The following MGAM2 variants were observed in gnomAD, a reference collection of about 807,000 sequenced individuals.
MGAM2 encodes the protein maltase-glucoamylase 2 (putative).
MGAM2 carries 98 observed loss-of-function variants against 96.1 expected under a neutral mutation model. The ratio of observed to expected loss-of-function variants is 1.02; its 90% CI spans 0.87 to 1.21. The LOEUF (loss-of-function observed/expected upper bound fraction) is 1.21, where lower values mean the gene tolerates loss of function less well. Ranked by LOEUF, MGAM2 falls within the 50% of genes most tolerant of loss-of-function variation. MGAM2 has a pLI of 0.00. For synonymous variants in MGAM2, 749 were observed against 414.8 expected (o/e 1.81, Z -9.79); for missense variants, 2,055 against 1,182.4 (o/e 1.74, Z -10.82).
In MGAM2 at chr7:142,166,095, C is replaced by T; in HGVS notation, c.2653-3C>T. 1.5e-6 allele frequency: 1 copy of T among 687,752 alleles called. No individual in the cohort carries two copies. The allele number at this position is 687,752 out of a possible 1,614,324, so 42.6% of individuals were successfully genotyped here. On this transcript the variant is annotated splice_polypyrimidine_tract_variant and splice_region_variant and intron_variant, in intron 24 of 47. Transcript: ENST00000477922. ...TTGTCACTGTGACTGTCTCTTTCCC[C>T]AGGTGGTAACCATCACTGATCTCCA...
chr7:142,172,941 C>A (rs1000820453), intron 30 of MGAM2, among the ~76,000 whole-genome samples, 177 bp downstream of exon 30: 3 of 152,102 alleles, frequency 2.0e-5, no homozygotes, highest in Non-Finnish European at 4.4e-5. Flanking sequence ...ATATTAATAT[C>A]CCATGTGTCC....
At position 142,198,817 on chromosome 7, in the gene MGAM2, C is replaced by T. The variant is rs558145520; in HGVS notation, c.5048+78C>T. ...GCCTTACAGGAGGCTGTCCCACCTT[C>T]GCCAGGGATATGTGGATTATAAACT... On this transcript the variant is annotated intron_variant, in intron 44 of 47. Transcript: ENST00000477922. The T allele has an allele frequency of 4.0e-4, 255 of 638,714 alleles. No individual in the cohort carries two copies. The East Asian group carries it at 6.3e-3, about 16-fold the overall frequency. The allele number at this position is 638,714 out of a possible 1,614,324, so 39.6% of individuals were successfully genotyped here. A position where few individuals can be genotyped will look rare whatever the true frequency, so the allele number is the denominator to read the frequency against.
At position 142,221,057 on chromosome 7, in the gene MGAM2, T is replaced by A. The variant is rs778784801; in HGVS notation, c.6546T>A (p.Ala2182=). ...CTAATAATACTGTTCCAGTTACAGC[T>A]ATTCCTTCTCTTGCAAATACTGGTG... ...TVPNNTVPVT[A]IPSLANTGVD... is the part of the protein sequence containing the mutation. The change falls in exon 48 of 48, where the codon GCT becomes GCA. Residue 2182 remains alanine, a synonymous_variant. Coordinates refer to ENST00000477922, the MANE Select transcript of MGAM2 (RefSeq NM_001293626.2). 1.4e-6 allele frequency: 1 copy of A among 702,552 alleles called. No individual in the cohort carries two copies. Among genetic ancestry groups the A allele is most frequent in the South Asian group, 1.5e-5 (1 of 67,598 alleles). The allele number at this position is 702,552 out of a possible 1,614,324, so 43.5% of individuals were successfully genotyped here.
intron 32 of MGAM2, among the ~76,000 whole-genome samples, chr7:142,179,661 T>C (rs950161629): frequency 1.3e-5 from 2 of 152,208 alleles, no homozygotes; most frequent in African/African-American, 2.4e-5. Flanking sequence ...TCACATTTAT[T>C]GATTTGCCTA....
intron 45 of MGAM2, among the ~76,000 whole-genome samples, chr7:142,204,237 G>T (rs1797329183): frequency 6.6e-6 from 1 of 151,650 alleles, no homozygotes; most frequent in South Asian, 2.1e-4. Flanking sequence ...TTAAGTTTTT[G>T]ATGGTATTTT....
rs1250249661 is a variant in MGAM2, at chr7:142,164,963, C to T, written c.2592C>T (p.Ile864=). The change falls in exon 24 of 48, where the codon ATC becomes ATT. Residue 864 remains isoleucine (I), a synonymous_variant. Transcript: ENST00000477922. ...LGMDKQPANF[I]VLLNNVATSS... ...TGGACAAACAGCCAGCTAATTTTAT[C>T]GTCCTACTGAATAATGTTGCCACCT... 6 of 702,578 alleles carry T rather than the reference C, an allele frequency of 8.5e-6. No individual in the cohort carries two copies. Among genetic ancestry groups the T allele is most frequent in the Middle Eastern group, 2.3e-4 (1 of 4,392 alleles). 43.5% of individuals were successfully genotyped at this position (702,578 alleles called of 1,614,324 possible).
intron 47 of MGAM2, 92 bp from the exon 48 acceptor site, chr7:142,219,778 C>G: frequency 1.6e-6 from 1 of 611,210 alleles, no homozygotes; most frequent in South Asian, 2.0e-5. Context: ...ATGAATCCAT[C>G]ATTTTTTGTT....
At chr7:142,169,768 G>A (rs1796136246) in intron 26 of MGAM2, among the ~76,000 whole-genome samples, 1 of 152,048 alleles carries the variant, frequency 6.6e-6, no homozygotes, top group African/African-American at 2.4e-5. Context: ...ATGTCTGCAT[G>A]CCACACACTT....
chr7:142,144,443 T>C (rs1198117210), intron 13 of MGAM2, among the ~76,000 whole-genome samples: 1 of 152,220 alleles, frequency 6.6e-6, no homozygotes, highest in Non-Finnish European at 1.5e-5. Flanking sequence ...TGATCTTAAT[T>C]ATATTCTCTT....
chr7:142,140,493 C>T (rs577963329), intron 10 of MGAM2, among the ~76,000 whole-genome samples: 1 of 152,110 alleles, frequency 6.6e-6, no homozygotes, highest in African/African-American at 2.4e-5. Flanking sequence ...ATTTAAAGAG[C>T]GTCTGTTTTA....
At chr7:142,173,126 T>C in intron 30 of MGAM2, 103 bp from the exon 31 acceptor site, 2 of 630,896 alleles carry the variant, frequency 3.2e-6, no homozygotes, top group East Asian at 5.5e-5. Flanking sequence ...GTGAGGCCTC[T>C]TATACAGTAC....
At chr7:142,134,988 TA>T (rs1795013838) in intron 7 of MGAM2, among the ~76,000 whole-genome samples, 1 of 152,210 alleles carries the variant, frequency 6.6e-6, no homozygotes, top group African/African-American at 2.4e-5. Flanking sequence ...GGCTGACTGA[TA>T]ACAAAGGGTT....
At chr7:142,197,212 A>T (rs1216844164) in intron 40 of MGAM2, among the ~76,000 whole-genome samples, 188 bp from the exon 41 acceptor site, 2 of 152,340 alleles carry the variant, frequency 1.3e-5, no homozygotes, top group East Asian at 3.9e-4. Flanking sequence ...GGAATCAGTG[A>T]TAAAGAGGAG....
intron 14 of MGAM2, among the ~76,000 whole-genome samples, chr7:142,146,270 C>T (rs542098982): frequency 2.2e-4 from 33 of 150,646 alleles, no homozygotes; most frequent in African/African-American, 7.3e-4. Flanking sequence ...GTGGTGGACA[C>T]GGCCACTTTT....
intron 28 of MGAM2, 127 bp from the exon 29 acceptor site, chr7:142,171,971 G>A (rs187695310): frequency 4.9e-6 from 2 of 408,028 alleles, no homozygotes; most frequent in African/African-American, 4.0e-5. Context: ...GAGAGTCAAT[G>A]AAGGCCCAAC....
chr7:142,153,086 C>T (rs1203690398), intron 15 of MGAM2, among the ~76,000 whole-genome samples: 1 of 149,556 alleles, frequency 6.7e-6, no homozygotes, highest in African/African-American at 2.5e-5. Context: ...ACCTCTGCCT[C>T]TTGGGTTCAA....
intron 1 of MGAM2, 132 bp from the exon 2 acceptor site, chr7:142,116,742 T>A: frequency 1.6e-6 from 1 of 634,494 alleles, no homozygotes; most frequent in Non-Finnish European, 2.8e-6. Flanking sequence ...ATTCTTTAGA[T>A]TATGTAAAGA....
At chr7:142,142,915 T>C (rs1339175265) in intron 12 of MGAM2, among the ~76,000 whole-genome samples, 3 of 152,172 alleles carry the variant, frequency 2.0e-5, no homozygotes, top group Non-Finnish European at 4.4e-5. Context: ...AATGTTGCTG[T>C]AGGTGACTGT....
chr7:142,143,645 G>A (rs1379545175), intron 12 of MGAM2, 124 bp from the exon 13 acceptor site: 1 of 450,556 alleles, frequency 2.2e-6, no homozygotes, highest in Admixed American at 3.7e-5. Flanking sequence ...TTTTTGTTGG[G>A]GTAGTCACAC....
Sources: gnomAD v4.1 joint callset for allele counts (sites outside exome capture counted in the v4.1 genomes callset) on GRCh38, gnomAD v4.1.1 for gene constraint, MANE v1.5 for transcripts, NCBI Gene and HGNC (gene_info 2026-07-23, HGNC 2026-07-21) for gene names.